The following TRIO variants were observed in gnomAD, a reference collection of about 807,000 sequenced individuals.
TRIO encodes the protein triple functional domain protein.
A neutral mutation model predicts 351.9 loss-of-function variants in TRIO; 58 were observed. That is an observed-to-expected ratio of 0.16 (90% CI 0.13 to 0.21). TRIO has a LOEUF of 0.21. Among genes scored for constraint, TRIO ranks in the 10% least tolerant of loss-of-function variants. TRIO has a pLI of 1.00. For synonymous variants in TRIO, 1,758 were observed against 1,595.7 expected, an observed-to-expected ratio of 1.10 and a Z score of -2.42; for missense variants, 3,201 against 4,027.8, an observed-to-expected ratio of 0.79 and a Z score of 5.56.
intron 33 of TRIO, among the ~76,000 whole-genome samples, chr5:14,415,723 AAAGG>A: frequency 6.6e-6 from 1 of 152,170 alleles, no homozygotes. Flanking sequence ...AGAATTCAGG[AAAGG>A]AACCGATTTG....
rs145750045 is a variant in TRIO, at chr5:14,304,349, A to G, written c.1369-112A>G. 6.5e-5 allele frequency: 73 copies of G among 1,127,996 alleles called. No homozygotes were observed. In the African/African-American group the frequency reaches 1.1e-3, roughly 16 times the overall value. 69.9% of individuals were successfully genotyped at this position (1,127,996 alleles called of 1,614,324 possible). A position where few individuals can be genotyped will look rare whatever the true frequency, so the allele number is the denominator to read the frequency against. On this transcript the variant is annotated intron_variant, in intron 7 of 56. Coordinates refer to ENST00000344204, the MANE Select transcript of TRIO (RefSeq NM_007118.4). ...TTTGAGATGGAGAGTCAACCATGTT[A>G]AATTCTTAGGATCTCCCTCAAGTCC... is the stretch of plus-strand genomic sequence containing the variant.
intron 1 of TRIO, among the ~76,000 whole-genome samples, chr5:14,183,423 G>A (rs1789911496): frequency 6.6e-6 from 1 of 152,010 alleles, no homozygotes. Flanking sequence ...GAGACTTGTT[G>A]CTTTAAAAGA....
At chr5:14,151,749 C>A (rs1787851778) in intron 1 of TRIO, among the ~76,000 whole-genome samples, 1 of 152,174 alleles carries the variant, frequency 6.6e-6, no homozygotes, top group South Asian at 2.1e-4. Flanking sequence ...TTCAAGTTCA[C>A]AATGATTCTT....
intron 1 of TRIO, among the ~76,000 whole-genome samples, chr5:14,157,718 G>A (rs1363120858): frequency 3.9e-5 from 6 of 152,118 alleles, no homozygotes; most frequent in African/African-American, 1.4e-4. Context: ...CTAAGTAGCT[G>A]AGACTTTGAG....
At chr5:14,397,449 G>A in intron 29 of TRIO, 1 of 307,858 alleles carries the variant, frequency 3.2e-6, no homozygotes, top group Non-Finnish European at 6.1e-6. Flanking sequence ...AGATGGATGG[G>A]TAGGTGGGTG....
chr5:14,288,666 C>CA (rs5866094), intron 4 of TRIO, among the ~76,000 whole-genome samples: 22,950 of 144,726 alleles, frequency 0.16, 2,597 homozygotes, highest in African/African-American at 0.33. Context: ...GATTCCGCCT[C>CA]AAAAAAAAAA....
intron 33 of TRIO, 82 bp from the exon 34 acceptor site, chr5:14,419,696 A>G: frequency 6.4e-7 from 1 of 1,567,858 alleles, no homozygotes; most frequent in Non-Finnish European, 8.7e-7. Flanking sequence ...GCAGGAACCC[A>G]CCTGGAGGAC....
intron 16 of TRIO, among the ~76,000 whole-genome samples, chr5:14,368,061 C>A (rs970659381): frequency 2.0e-5 from 3 of 152,216 alleles, no homozygotes; most frequent in Non-Finnish European, 2.9e-5. Flanking sequence ...CTTGGCTCTA[C>A]GGCCTCACTG....
intron 2 of TRIO, among the ~76,000 whole-genome samples, chr5:14,279,357 GT>G (rs141871407): frequency 5.3e-5 from 8 of 151,488 alleles, no homozygotes; most frequent in East Asian, 3.9e-4. Context: ...AATCTTCTGG[GT>G]TTTTTTTTAT....
intron 10 of TRIO, among the ~76,000 whole-genome samples, chr5:14,331,407 G>A (rs1391595130): frequency 6.6e-6 from 1 of 152,120 alleles, no homozygotes; most frequent in Admixed American, 6.5e-5. Flanking sequence ...TGAAAAATAA[G>A]CCCAGTAATT....
chr5:14,403,646 G>T (rs1272080590), intron 31 of TRIO, among the ~76,000 whole-genome samples: 68 of 137,002 alleles, frequency 5.0e-4, no homozygotes, highest in South Asian at 7.7e-4. Context: ...GAGGGTGCAG[G>T]TGGTGGTGAG....
At chr5:14,175,650 C>G (rs1238307957) in intron 1 of TRIO, among the ~76,000 whole-genome samples, 1 of 152,176 alleles carries the variant, frequency 6.6e-6, no homozygotes, top group Non-Finnish European at 1.5e-5. Flanking sequence ...TTATATCTAC[C>G]TGGGCATTTT....
At chr5:14,290,342 A>T (rs563830511) in intron 4 of TRIO, among the ~76,000 whole-genome samples, 1 of 152,218 alleles carries the variant, frequency 6.6e-6, no homozygotes, top group Non-Finnish European at 1.5e-5. Context: ...GATGTAAGTG[A>T]AATTTCTGAA....
chr5:14,150,184 A>T (rs1052822884), intron 1 of TRIO, among the ~76,000 whole-genome samples: 1 of 152,210 alleles, frequency 6.6e-6, no homozygotes, highest in Non-Finnish European at 1.5e-5. Context: ...CATTCCATTA[A>T]TGTTGAGTGA....
Position 14,286,992 on chromosome 5 carries a change from C to G in TRIO, c.469C>G (p.Leu157Val). The change falls in exon 4 of 57, where the codon CTG becomes GTG. Residue 157 changes from leucine (L) to valine (V), a missense_variant. Leu to Val is a conservative substitution (Grantham distance 32, BLOSUM62 1). Transcript: ENST00000344204. This position sits in a 1 kb window ranked among gnomAD's most constrained non-coding sequence, Gnocchi z 4.4. ...CTTCCCCTGCTGCATCCATGTGGCCCTGATCATCAAGCCAGACAACTTCTG... is the reference window on the plus strand; with the variant it reads ...CTTCCCCTGCTGCATCCATGTGGCCGTGATCATCAAGCCAGACAACTTCTG... ...ESFPCCIHVA[L>V]IIKPDNFWQK... 2.5e-6 allele frequency: 4 copies of G among 1,614,186 alleles called. No individual in the cohort carries two copies. The highest frequency in any genetic ancestry group is 2.5e-6 in the Non-Finnish European group (3 of 1,180,030).
At chr5:14,442,996 G>C (rs755397109) in intron 34 of TRIO, among the ~76,000 whole-genome samples, 2 of 152,208 alleles carry the variant, frequency 1.3e-5, no homozygotes, top group African/African-American at 4.8e-5. Context: ...TGGATCTTAA[G>C]ACATAGCATT....
At chr5:14,259,089 G>A (rs1030024942) in intron 1 of TRIO, among the ~76,000 whole-genome samples, 2 of 152,194 alleles carry the variant, frequency 1.3e-5, no homozygotes, top group African/African-American at 2.4e-5. Context: ...TCCTTCTGAG[G>A]CTTCCCTCTG....
chr5:14,502,000 A>G (rs1757327883), intron 53 of TRIO, among the ~76,000 whole-genome samples: 4 of 152,212 alleles, frequency 2.6e-5, no homozygotes, highest in Admixed American at 6.5e-5. Context: ...CATTACTCAC[A>G]GGTGATTTAC....
intron 6 of TRIO, among the ~76,000 whole-genome samples, chr5:14,295,910 C>A (rs1350855300): frequency 6.6e-6 from 1 of 152,150 alleles, no homozygotes; most frequent in African/African-American, 2.4e-5. Context: ...AGTCCTGTGG[C>A]TCTAATCCCA....
Sources: allele counts gnomAD v4.1 joint callset (sites outside exome capture counted in the v4.1 genomes callset), GRCh38; gene constraint gnomAD v4.1.1; non-coding constraint Gnocchi (gnomAD v3.1); transcripts MANE v1.5; gene names NCBI Gene and HGNC (gene_info 2026-07-23, HGNC 2026-07-21).